ADAMTS9: variants seen among roughly 807,000 people sequenced by gnomAD.
ADAMTS9 encodes the protein ADAM metallopeptidase with thrombospondin type 1 motif 9.
A neutral mutation model predicts 257.1 loss-of-function variants in ADAMTS9; 107 were observed. The observed-to-expected ratio is 0.42, with a 90% CI of 0.36 to 0.49. The LOEUF is 0.49. Among genes scored for constraint, ADAMTS9 ranks in the 20% least tolerant of loss-of-function variants. The probability of loss-of-function intolerance (pLI) is 0.03; values close to 1 mark genes in which losing one functional copy is unlikely to be tolerated. For missense variants in ADAMTS9, 2,353 were observed against 2,469.1 expected (o/e 0.95, Z 1.00); for synonymous variants, 982 against 880.9 (o/e 1.11, Z -2.03).
At chr3:64,594,822 T>C (rs2084332689) in intron 27 of ADAMTS9, among the ~76,000 whole-genome samples, 1 of 152,158 alleles carries the variant, frequency 6.6e-6, no homozygotes, top group Non-Finnish European at 1.5e-5. Flanking sequence ...AGTCTTGCTC[T>C]GTCATCCAGG....
chr3:64,547,041 C>T (rs747627595), intron 31 of ADAMTS9, 89 bp from the exon 32 acceptor site: 36 of 1,161,238 alleles, frequency 3.1e-5, no homozygotes, highest in African/African-American at 9.3e-5. Context: ...AAGCGCTGAC[C>T]GTGTGACTAT....
intron 28 of ADAMTS9, among the ~76,000 whole-genome samples, chr3:64,570,850 G>T (rs2083667619): frequency 6.6e-6 from 1 of 152,056 alleles, no homozygotes; most frequent in Non-Finnish European, 1.5e-5. Context: ...TACAGAGATG[G>T]GGAAAACTGG....
chr3:64,572,043 T>A (rs11710007), intron 28 of ADAMTS9, among the ~76,000 whole-genome samples: 28,984 of 143,250 alleles, frequency 0.2, 3,190 homozygotes, highest in Middle Eastern at 0.26. Context: ...ATTCCTCAAA[T>A]TCACAGCCAA....
At chr3:64,593,748 T>G (rs1210652345) in intron 28 of ADAMTS9, among the ~76,000 whole-genome samples, 1 of 152,162 alleles carries the variant, frequency 6.6e-6, no homozygotes, top group Non-Finnish European at 1.5e-5. Context: ...TTTAAATGAT[T>G]TTAGTCTATT....
chr3:64,635,855 TA>T lies in ADAMTS9; in HGVS notation c.1857-1977del, dbSNP rs1700482655. Reference sequence around the variant, plus strand: ...TACCAAGGCACCCCAGTCTCATGCATAAAATATCACAGATGACCCATGAATA... The same window carrying T: ...TACCAAGGCACCCCAGTCTCATGCATAAATATCACAGATGACCCATGAATA... On this transcript the variant is annotated intron_variant, in intron 12 of 39. Coordinates refer to ENST00000498707, the MANE Select transcript of ADAMTS9 (RefSeq NM_182920.2). Among the ~76,000 whole-genome samples the T allele has an allele frequency of 2.0e-5, 3 of 151,990 alleles. No homozygotes were observed. In the South Asian group the frequency reaches 6.3e-4, roughly 32 times the overall value.
chr3:64,526,054 T>C (rs2082906283), intron 38 of ADAMTS9, among the ~76,000 whole-genome samples: 1 of 146,882 alleles, frequency 6.8e-6, no homozygotes. Flanking sequence ...ATCTTATGTG[T>C]GATATGCTAT....
chr3:64,596,077 C>T (rs762710967), intron 27 of ADAMTS9, among the ~76,000 whole-genome samples: 16 of 152,226 alleles, frequency 1.1e-4, no homozygotes, highest in African/African-American at 1.7e-4. Flanking sequence ...TGATTAAAGG[C>T]GATGTGCTAC....
At chr3:64,623,172 A>G (rs937261303) in intron 16 of ADAMTS9, among the ~76,000 whole-genome samples, 2 of 152,152 alleles carry the variant, frequency 1.3e-5, no homozygotes, top group African/African-American at 4.8e-5. Flanking sequence ...TGGTATTCAC[A>G]CTATGTGTCA....
intron 38 of ADAMTS9, among the ~76,000 whole-genome samples, chr3:64,532,326 C>T (rs990595501): frequency 2.6e-5 from 4 of 152,198 alleles, no homozygotes; most frequent in African/African-American, 9.7e-5. Flanking sequence ...AATCATCTAA[C>T]ACAAAGCCTA....
chr3:64,522,648 A>G (rs983733410), intron 38 of ADAMTS9: 1 of 164,768 alleles, frequency 6.1e-6, no homozygotes, highest in East Asian at 1.8e-4. Context: ...TCATGCTGCA[A>G]AAAAAGAACT....
At chr3:64,627,705 G>A (rs1700260456) in intron 16 of ADAMTS9, among the ~76,000 whole-genome samples, 1 of 152,064 alleles carries the variant, frequency 6.6e-6, no homozygotes. Context: ...TCCTGGGTTG[G>A]TTTCCCTCCC....
At chr3:64,524,018 G>T (rs961930057) in intron 38 of ADAMTS9, among the ~76,000 whole-genome samples, 1 of 152,084 alleles carries the variant, frequency 6.6e-6, no homozygotes, top group East Asian at 1.9e-4. Context: ...CTTATACAGT[G>T]ATAAAGTAAT....
chr3:64,645,029 CT>C (rs1336180757), intron 11 of ADAMTS9, among the ~76,000 whole-genome samples: 1 of 152,188 alleles, frequency 6.6e-6, no homozygotes, highest in Non-Finnish European at 1.5e-5. Context: ...TGAAAAGTGT[CT>C]GATATGACAG....
chr3:64,636,467 T>G (rs1211435949), intron 12 of ADAMTS9, among the ~76,000 whole-genome samples: 1 of 152,178 alleles, frequency 6.6e-6, no homozygotes, highest in Non-Finnish European at 1.5e-5. Context: ...TACTAATATC[T>G]ATTTCATAAA....
At position 64,687,846 on chromosome 3, in the gene ADAMTS9, C is replaced by G. The variant is rs1027804165; in HGVS notation, c.-189G>C. On this transcript the variant is annotated 5_prime_UTR_variant, in exon 1 of 40. Transcript: ENST00000498707. This position sits in a 1 kb window ranked among gnomAD's most constrained non-coding sequence, Gnocchi z 4.4. ...TCTGCGCTCGGCTGAGCAACGCCGC[C>G]GCCTGCCGAGAGCTGAGCCGCTCGG... The G allele has an allele frequency of 6.8e-5, 31 of 453,560 alleles. No homozygotes were observed. Among genetic ancestry groups the G allele is most frequent in the Admixed American group, 6.6e-4 (15 of 22,862 alleles). The allele number at this position is 453,560 out of a possible 1,614,324, so 28.1% of individuals were successfully genotyped here.
chr3:64,652,516 T>C (rs1290854523), intron 8 of ADAMTS9, among the ~76,000 whole-genome samples: 1 of 152,200 alleles, frequency 6.6e-6, no homozygotes, highest in Admixed American at 6.5e-5. Flanking sequence ...TTCTTTATAG[T>C]GGTGTTTATT....
At chr3:64,648,951 T>C (rs908617666) in intron 10 of ADAMTS9, among the ~76,000 whole-genome samples, 1 of 152,176 alleles carries the variant, frequency 6.6e-6, no homozygotes, top group Non-Finnish European at 1.5e-5. Context: ...ATTGTACTTC[T>C]CAATTCACCA....
intron 12 of ADAMTS9, among the ~76,000 whole-genome samples, chr3:64,637,456 C>A (rs1700527666): frequency 6.6e-6 from 1 of 152,154 alleles, no homozygotes; most frequent in Non-Finnish European, 1.5e-5. Context: ...TTGGATCTTT[C>A]TTTCAAGCAC....
At chr3:64,580,423 T>C (rs576324343) in intron 28 of ADAMTS9, among the ~76,000 whole-genome samples, 1 of 152,164 alleles carries the variant, frequency 6.6e-6, no homozygotes, top group Non-Finnish European at 1.5e-5. Context: ...TCCTGCAAAC[T>C]CTCTACAGCC....
Sources: allele counts gnomAD v4.1 joint callset (sites outside exome capture counted in the v4.1 genomes callset), GRCh38; gene constraint gnomAD v4.1.1; non-coding constraint Gnocchi (gnomAD v3.1); transcripts MANE v1.5; gene names NCBI Gene and HGNC (gene_info 2026-07-23, HGNC 2026-07-21).